Variants in WNT8B observed in about 807,000 individuals in gnomAD.
WNT8B encodes the protein Wnt family member 8B, also known as protein Wnt-8b.
Under a neutral mutation model 36.6 loss-of-function variants are expected in WNT8B, and 24 were observed. The observed-to-expected ratio is 0.66, with a 90% CI of 0.48 to 0.92. The LOEUF is 0.92. Ranked by LOEUF, WNT8B falls within the 40% of genes least tolerant of loss-of-function variation. The pLI is 0.00. For missense variants in WNT8B, 402 were observed against 470.8 expected (o/e 0.85, Z 1.35); for synonymous variants, 199 against 189.8 (o/e 1.05, Z -0.40).
At chr10:100,475,236 C>T (rs966465727) in intron 1 of WNT8B, among the ~76,000 whole-genome samples, 21 of 151,888 alleles carry the variant, frequency 1.4e-4, no homozygotes, top group African/African-American at 4.4e-4. Context: ...AGCAAGACTC[C>T]GTCTCAAAAA....
chr10:100,469,701 G>A (rs1042160301), intron 1 of WNT8B, among the ~76,000 whole-genome samples: 1 of 152,202 alleles, frequency 6.6e-6, no homozygotes, highest in Non-Finnish European at 1.5e-5. Flanking sequence ...CTGTGTAACT[G>A]TGTGTGTGGG....
At chr10:100,472,116 C>T (rs12358461) in intron 1 of WNT8B, among the ~76,000 whole-genome samples, 27,401 of 137,258 alleles carry the variant, frequency 0.2, 2,732 homozygotes, top group South Asian at 0.24. Context: ...ATTTCTTTTT[C>T]TTTTTTTTTT....
intron 1 of WNT8B, among the ~76,000 whole-genome samples, chr10:100,469,279 TC>T (rs1850947446): frequency 6.6e-6 from 1 of 152,194 alleles, no homozygotes; most frequent in Non-Finnish European, 1.5e-5. Flanking sequence ...TACTTTCATG[TC>T]ATAACTCCTC....
chr10:100,470,853 C>T (rs928174465), intron 1 of WNT8B, among the ~76,000 whole-genome samples: 1 of 152,202 alleles, frequency 6.6e-6, no homozygotes, highest in African/African-American at 2.4e-5. Flanking sequence ...GCGGATTCTC[C>T]TGCCTCAGCC....
chr10:100,470,913 T>C (rs1850970199), intron 1 of WNT8B, among the ~76,000 whole-genome samples: 1 of 152,158 alleles, frequency 6.6e-6, no homozygotes, highest in Non-Finnish European at 1.5e-5. Flanking sequence ...CAGCTAATTT[T>C]TGTATTTTTA....
chr10:100,482,624 C>T lies in WNT8B; in HGVS notation c.864C>T (p.Arg288=). ...ALGRWERRSC[R]RLCGDCGLAV... ...GTCGCTGGGAACGCCGCAGCTGCCG[C>T]CGGCTCTGCGGGGACTGCGGGCTGG... The change falls in exon 6 of 6, where the codon CGC becomes CGT. Residue 288 remains arginine, a synonymous_variant. Coordinates refer to ENST00000343737, the MANE Select transcript of WNT8B (RefSeq NM_003393.4). This position sits in a 1 kb window ranked among gnomAD's most constrained non-coding sequence, Gnocchi z 6.6. 1 of 1,601,758 alleles carries T rather than the reference C, an allele frequency of 6.2e-7. No individual in the cohort carries two copies. The highest frequency in any genetic ancestry group is 8.5e-7 in the Non-Finnish European group (1 of 1,177,522).
intron 3 of WNT8B, 73 bp from the exon 4 acceptor site, chr10:100,480,925 G>A (rs1324836836): frequency 2.6e-6 from 4 of 1,535,376 alleles, no homozygotes; most frequent in Non-Finnish European, 2.7e-6. Context: ...GGTTATTAAA[G>A]AAAGGTAGCA....
chr10:100,473,838 A>G (rs1395774037), intron 1 of WNT8B, among the ~76,000 whole-genome samples: 1 of 152,190 alleles, frequency 6.6e-6, no homozygotes, highest in Non-Finnish European at 1.5e-5. Context: ...AGGCACAAGA[A>G]TTGCTTGAAC....
chr10:100,474,026 G>C (rs1851007141), intron 1 of WNT8B, among the ~76,000 whole-genome samples: 1 of 152,204 alleles, frequency 6.6e-6, no homozygotes, highest in African/African-American at 2.4e-5. Context: ...GGGTAGGCTT[G>C]GGTGATGGCA....
rs191528938 is a variant in WNT8B at position 100,470,379 on chromosome 10, C to G, written c.68+7143C>G. Among the ~76,000 whole-genome samples the G allele has an allele frequency of 9.7e-4, 148 of 152,230 alleles. 1 individual carries two copies. Among genetic ancestry groups the G allele is most frequent in the Middle Eastern group, 3.4e-3 (1 of 294 alleles). On this transcript the variant is annotated intron_variant, in intron 1 of 5. Coordinates refer to ENST00000343737, the MANE Select transcript of WNT8B (RefSeq NM_003393.4). ...CTTTTCTGAGCTCCATCCCATTTATCCATCTTTATTATGATTTTTATTTTT... is the reference window on the plus strand; with the variant it reads ...CTTTTCTGAGCTCCATCCCATTTATGCATCTTTATTATGATTTTTATTTTT...
intron 2 of WNT8B, 151 bp downstream of exon 2, chr10:100,479,236 A>T (rs2133657650): frequency 1.4e-6 from 1 of 720,506 alleles, no homozygotes; most frequent in African/African-American, 1.8e-5. Context: ...GGTGTTAGGG[A>T]CACATCTAAA....
At chr10:100,467,485 A>G (rs1379031747) in intron 1 of WNT8B, among the ~76,000 whole-genome samples, 1 of 152,120 alleles carries the variant, frequency 6.6e-6, no homozygotes, top group Non-Finnish European at 1.5e-5. Flanking sequence ...CCAAATTTAC[A>G]CCACCCTACA....
chr10:100,481,711 G>C (rs962258701), intron 4 of WNT8B, among the ~76,000 whole-genome samples: 9 of 152,150 alleles, frequency 5.9e-5, no homozygotes, highest in Admixed American at 3.3e-4. Flanking sequence ...CCTGAGCAGG[G>C]GATTGGCTGA....
chr10:100,467,435 T>C (rs1299401670), intron 1 of WNT8B, among the ~76,000 whole-genome samples: 1 of 152,172 alleles, frequency 6.6e-6, no homozygotes, highest in African/African-American at 2.4e-5. Flanking sequence ...GGTCAGTCTT[T>C]CTATGCAGCT....
At chr10:100,468,102 G>T (rs539782697) in intron 1 of WNT8B, among the ~76,000 whole-genome samples, 1 of 152,192 alleles carries the variant, frequency 6.6e-6, no homozygotes, top group African/African-American at 2.4e-5. Flanking sequence ...ATACATGTTT[G>T]TGTTTATTTC....
Position 100,479,126 on chromosome 10 carries a change from CTT to C in WNT8B, c.102+42_102+43del, listed in dbSNP as rs1851077801. The C allele has an allele frequency of 5.8e-6, 9 of 1,554,190 alleles. No individual in the cohort carries two copies. The East Asian group carries it at 2.0e-4, about 35-fold the overall frequency. ...ATTAATTGATATGGATTTCACTAAT[CTT>C]AGCCTGTTGACTAAAGATGATAAAT... On this transcript the variant is annotated intron_variant, in intron 2 of 5. Coordinates refer to ENST00000343737, the MANE Select transcript of WNT8B (RefSeq NM_003393.4).
chr10:100,463,661 AT>A (rs945639266), intron 1 of WNT8B, among the ~76,000 whole-genome samples: 5 of 149,674 alleles, frequency 3.3e-5, no homozygotes, highest in East Asian at 2.0e-4. Flanking sequence ...TTCTGACTTT[AT>A]TTTTTTTTTC....
chr10:100,482,564 A>C lies in WNT8B; in HGVS notation c.804A>C (p.Glu268Asp), dbSNP rs1009596590. 4 of 1,598,634 alleles carry C rather than the reference A, an allele frequency of 2.5e-6. No homozygotes were observed. In the Admixed American group the frequency reaches 5.0e-5, roughly 20 times the overall value. Residue 268 changes from glutamate to aspartate, a missense_variant, in exon 6 of 6, where the codon GAA (glutamate) becomes GAC (aspartate). By Grantham distance (45) the Glu-to-Asp change is conservative. Transcript: ENST00000343737. The surrounding 1 kb of genome is among the most constrained non-coding windows in gnomAD (Gnocchi z 6.6). ...AAACGCTAGGGCTGCTGGGCACCGA[A>C]GGCCGAGAGTGCCTAAGGCGCGGGC... ...ENKTLGLLGT[E>D]GRECLRRGRA...
chr10:100,467,484 C>T (rs1467866828), intron 1 of WNT8B, among the ~76,000 whole-genome samples: 1 of 152,152 alleles, frequency 6.6e-6, no homozygotes, highest in Non-Finnish European at 1.5e-5. Context: ...GCCAAATTTA[C>T]ACCACCCTAC....
Sources: allele counts gnomAD v4.1 joint callset (sites outside exome capture counted in the v4.1 genomes callset), GRCh38; gene constraint gnomAD v4.1.1; non-coding constraint Gnocchi (gnomAD v3.1); transcripts MANE v1.5; gene names NCBI Gene and HGNC (gene_info 2026-07-23, HGNC 2026-07-21).